The following NAV2 variants were observed in gnomAD, a reference collection of about 807,000 sequenced individuals.
NAV2 encodes the protein helicase, APC down-regulated 1.
In NAV2, 54 loss-of-function variants were observed where a neutral mutation model predicts 223.2. The ratio of observed to expected loss-of-function variants is 0.24; its 90% CI spans 0.19 to 0.30. NAV2 has a LOEUF of 0.30. Ranked by LOEUF, NAV2 falls within the 10% of genes least tolerant of loss-of-function variation. NAV2 has a pLI of 1.00. For missense variants in NAV2, 2,806 were observed against 3,147.5 expected, an observed-to-expected ratio of 0.89 and a Z score of 2.60; for synonymous variants, 1,279 against 1,239.3, an observed-to-expected ratio of 1.03 and a Z score of -0.67.
At chr11:19,611,812 G>A (rs1051723685) in intron 1 of NAV2, among the ~76,000 whole-genome samples, 9 of 152,168 alleles carry the variant, frequency 5.9e-5, no homozygotes, top group African/African-American at 2.2e-4. Context: ...GCTGTCAGTC[G>A]ATCTACCATT....
At chr11:19,937,472 T>C (rs2585767) in intron 7 of NAV2, among the ~76,000 whole-genome samples, 144,441 of 152,204 alleles carry the variant, frequency 0.95, 68,974 homozygotes, top group Non-Finnish European at 1. Context: ...GAAGTAACAG[T>C]GGATTCATCT....
At chr11:19,350,452 A>AG (rs1447842675), upstream of NAV2, among the ~76,000 whole-genome samples, 2 of 152,206 alleles carry the variant, frequency 1.3e-5, no homozygotes, top group African/African-American at 2.4e-5. Flanking sequence ...AGGAGCCATG[A>AG]GGGGCGGCTT....
chr11:19,845,910 G>A (rs1296457308), intron 3 of NAV2, among the ~76,000 whole-genome samples: 1 of 152,154 alleles, frequency 6.6e-6, no homozygotes, highest in Middle Eastern at 3.2e-3. Context: ...GCTGGACTAG[G>A]CCAAGCTGAA....
At chr11:19,858,999 T>C (rs1172601754) in intron 3 of NAV2, among the ~76,000 whole-genome samples, 1 of 152,066 alleles carries the variant, frequency 6.6e-6, no homozygotes, top group African/African-American at 2.4e-5. Context: ...CTCTCAGTAA[T>C]GGTGGGAGAT....
chr11:19,539,922 A>G (rs181937049), intron 1 of NAV2, among the ~76,000 whole-genome samples: 43 of 152,228 alleles, frequency 2.8e-4, no homozygotes, highest in Non-Finnish European at 1.0e-4. Flanking sequence ...CTGCTTCCCC[A>G]TCTCTTATTC....
At chr11:19,396,943 C>A (rs1849473532) in intron 1 of NAV2, among the ~76,000 whole-genome samples, 1 of 152,192 alleles carries the variant, frequency 6.6e-6, no homozygotes, top group African/African-American at 2.4e-5. Context: ...TGTGTATTCA[C>A]CGGAAGCCTC....
At chr11:19,626,481 T>C (rs1273916784) in intron 1 of NAV2, among the ~76,000 whole-genome samples, 1 of 152,240 alleles carries the variant, frequency 6.6e-6, no homozygotes. Flanking sequence ...AGCTTTGTTC[T>C]TTTTGTTCAG....
intron 1 of NAV2, among the ~76,000 whole-genome samples, chr11:19,790,199 C>T (rs989439446): frequency 6.6e-6 from 1 of 152,178 alleles, no homozygotes; most frequent in African/African-American, 2.4e-5. Context: ...CCTCAGCCCA[C>T]ATTTTCATGG....
chr11:19,613,727 A>C (rs2046710905), intron 1 of NAV2, among the ~76,000 whole-genome samples: 1 of 152,178 alleles, frequency 6.6e-6, no homozygotes, highest in African/African-American at 2.4e-5. Context: ...TCCGCTTTTA[A>C]CTAGCTATAT....
chr11:20,115,661 CG>C (rs1297625907), intron 37 of NAV2, among the ~76,000 whole-genome samples: 1 of 145,818 alleles, frequency 6.9e-6, no homozygotes, highest in Non-Finnish European at 1.5e-5. Context: ...AAAAAGCACC[CG>C]GGCTGGGTGT....
intron 1 of NAV2, among the ~76,000 whole-genome samples, chr11:19,700,367 CT>C (rs578064489): frequency 9.3e-4 from 141 of 152,294 alleles, no homozygotes; most frequent in African/African-American, 3.3e-3. Context: ...CAAAATCATC[CT>C]TTTAACCAGT....
chr11:19,895,686 C>A (rs1218141922), intron 6 of NAV2, among the ~76,000 whole-genome samples: 2 of 152,036 alleles, frequency 1.3e-5, no homozygotes, highest in Non-Finnish European at 2.9e-5. Flanking sequence ...TAGAAGGGTG[C>A]ATTTATTCTC....
intron 1 of NAV2, among the ~76,000 whole-genome samples, chr11:19,551,741 A>AG (rs891186128): frequency 6.0e-5 from 2 of 33,466 alleles, no homozygotes; most frequent in Non-Finnish European, 2.4e-4. Context: ...GTGGTGGGGG[A>AG]AAAAATGGTT....
At chr11:19,445,442 T>C (rs978129600) in intron 1 of NAV2, among the ~76,000 whole-genome samples, 1 of 152,196 alleles carries the variant, frequency 6.6e-6, no homozygotes, top group Admixed American at 6.5e-5. Context: ...GTTAACTTGT[T>C]TAATCCTCAT....
intron 1 of NAV2, among the ~76,000 whole-genome samples, chr11:19,432,000 C>A (rs571134079): frequency 6.6e-6 from 1 of 152,118 alleles, no homozygotes; most frequent in Non-Finnish European, 1.5e-5. Flanking sequence ...GAGTTCGAGA[C>A]CAGCCTGGCC....
intron 1 of NAV2, among the ~76,000 whole-genome samples, chr11:19,653,689 C>G (rs2048037199): frequency 6.6e-6 from 1 of 152,202 alleles, no homozygotes; most frequent in Non-Finnish European, 1.5e-5. Context: ...TGCCAGGAGT[C>G]ATCCTAAGTT....
chr11:19,504,151 C>T (rs367963262), intron 1 of NAV2: 3 of 152,144 alleles, frequency 2.0e-5, no homozygotes, highest in Non-Finnish European at 2.9e-5. Context: ...AAATCCAGAA[C>T]GCTGAGAACA....
intron 1 of NAV2, among the ~76,000 whole-genome samples, chr11:19,603,640 A>AG (rs1278310978): frequency 6.6e-6 from 1 of 151,582 alleles, no homozygotes. Context: ...TCAAAAAAAA[A>AG]AAAAAAAAAG....
intron 1 of NAV2, among the ~76,000 whole-genome samples, chr11:19,778,525 C>T (rs546494882): frequency 3.3e-5 from 5 of 150,990 alleles, no homozygotes; most frequent in African/African-American, 9.7e-5. Context: ...AAACAAAACA[C>T]AAAAAAAACA....
Sources: allele counts gnomAD v4.1 joint callset (sites outside exome capture counted in the v4.1 genomes callset), GRCh38; gene constraint gnomAD v4.1.1; transcripts MANE v1.5; gene names NCBI Gene and HGNC (gene_info 2026-07-23, HGNC 2026-07-21).